The following MINDY2 variants were observed in gnomAD, a reference collection of about 807,000 sequenced individuals.
MINDY2 encodes ubiquitin carboxyl-terminal hydrolase MINDY-2.
MINDY2 carries 52 observed loss-of-function variants against 68.2 expected under a neutral mutation model. The ratio of observed to expected loss-of-function variants is 0.76; its 90% CI spans 0.61 to 0.96. The LOEUF (loss-of-function observed/expected upper bound fraction) is 0.96, where lower values mean the gene tolerates loss of function less well. Ranked by LOEUF, MINDY2 falls within the 40% of genes least tolerant of loss-of-function variation. MINDY2 has a pLI of 0.00. For synonymous variants in MINDY2, 372 were observed against 303.0 expected, an observed-to-expected ratio of 1.23 and a Z score of -2.36; for missense variants, 881 against 773.4, an observed-to-expected ratio of 1.14 and a Z score of -1.65.
chr15:58,799,334 G>A (rs561105570), intron 2 of MINDY2, among the ~76,000 whole-genome samples: 218 of 152,294 alleles, frequency 1.4e-3, no homozygotes, highest in African/African-American at 4.8e-3. Flanking sequence ...TTGGGAGGCC[G>A]AGGCAGGCGG....
At chr15:58,791,215 TTATATATATATATATATA>T (rs57998049) in intron 2 of MINDY2, among the ~76,000 whole-genome samples, 27,429 of 79,616 alleles carry the variant, frequency 0.34, 5,219 homozygotes, top group East Asian at 0.56. Context: ...GAAAGCAATT[TTATATATATATATATATA>T]TATATATATA....
chr15:58,800,663 CT>C (rs576365812), intron 2 of MINDY2, among the ~76,000 whole-genome samples: 243 of 140,968 alleles, frequency 1.7e-3, no homozygotes, highest in Non-Finnish European at 2.3e-3. Context: ...TCCAGTTTAG[CT>C]TTTTTTTTTT....
chr15:58,802,378 G>T lies in MINDY2; in HGVS notation c.963+1G>T. The T allele has an allele frequency of 6.4e-7, 1 of 1,560,840 alleles. No homozygotes were observed. ...AATTCAACGTTTAAATTATGAACAG[G>T]TAATAAACAGTTTTTGTTAAAGTAT... On this transcript the variant is annotated splice_donor_variant, in intron 3 of 8. Transcript: ENST00000559228. LOFTEE classifies it high-confidence loss of function.
At chr15:58,852,931 T>G (rs867244748) in intron 8 of MINDY2, among the ~76,000 whole-genome samples, 102 of 22,746 alleles carry the variant, frequency 4.5e-3, no homozygotes, top group African/African-American at 0.013. Flanking sequence ...TGTTTTTTTT[T>G]TTTTTTTTTT....
Position 58,775,759 on chromosome 15 carries a change from T to C in MINDY2, c.840+3524T>C, listed in dbSNP as rs187336717. On this transcript the variant is annotated intron_variant, in intron 1 of 8. Transcript: ENST00000559228. ...TTAGATGGGAAAGTTGATGCCAAAG[T>C]TTGGTTGTGTTGAGTTGGAAATGTC... 9.9e-5 allele frequency among the ~76,000 whole-genome samples: 15 copies of C among 152,178 alleles called. No homozygotes were observed. The East Asian group carries it at 2.9e-3, about 29-fold the overall frequency.
rs1292634378 is a variant in MINDY2, at chr15:58,857,417, C to G, written c.*2807C>G. ...GGCATGGTGGCGGGCACCTGTCATC[C>G]CAGCTACTTGGGAGGCTGAGGCAGG... is the stretch of plus-strand genomic sequence containing the variant. On this transcript the variant is annotated 3_prime_UTR_variant, in exon 9 of 9. Transcript: ENST00000559228. The G allele has an allele frequency of 6.6e-6, 1 of 151,712 alleles. No homozygotes were observed. The highest frequency in any genetic ancestry group is 6.6e-5 in the Admixed American group (1 of 15,114). 9.4% of individuals were successfully genotyped at this position (151,712 alleles called of 1,614,324 possible). A position where few individuals can be genotyped will look rare whatever the true frequency, so the allele number is the denominator to read the frequency against.
intron 8 of MINDY2, among the ~76,000 whole-genome samples, chr15:58,853,819 T>C (rs1182213732): frequency 9.8e-6 from 1 of 102,200 alleles, no homozygotes; most frequent in Non-Finnish European, 1.9e-5. Context: ...TCCATCTCAA[T>C]AAAAAAAAAA....
At chr15:58,810,415 A>T in intron 4 of MINDY2, 27 bp downstream of exon 4, 1 of 1,523,774 alleles carries the variant, frequency 6.6e-7, no homozygotes, top group South Asian at 1.3e-5. Context: ...AAATTATGTA[A>T]ACACAAATAC....
chr15:58,771,523 T>C lies in MINDY2; in HGVS notation c.128T>C (p.Val43Ala). The C allele has an allele frequency of 5.6e-6, 9 of 1,610,304 alleles. No individual in the cohort carries two copies. Among genetic ancestry groups the C allele is most frequent in the Non-Finnish European group, 7.6e-6 (9 of 1,179,336 alleles). ...TRLAAGDGPGVWAAETSGGNG... is the reference protein window; with the variant it reads ...TRLAAGDGPGAWAAETSGGNG... ...CTCGCCGCTGGTGATGGTCCTGGGG[T>C]ATGGGCGGCGGAGACCAGCGGCGGG... Residue 43 changes from valine (V) to alanine (A), a missense_variant, in exon 1 of 9, where the codon GTA becomes GCA. Physicochemically the swap from Val to Ala is moderately conservative, Grantham distance 64. Transcript: ENST00000559228.
chr15:58,797,168 T>C (rs1187516296), intron 2 of MINDY2, among the ~76,000 whole-genome samples: 1 of 152,134 alleles, frequency 6.6e-6, no homozygotes, highest in African/African-American at 2.4e-5. Flanking sequence ...TTAAAAATAT[T>C]GATTGTTGAA....
At chr15:58,834,011 T>C (rs2031873689) in intron 6 of MINDY2, among the ~76,000 whole-genome samples, 1 of 152,122 alleles carries the variant, frequency 6.6e-6, no homozygotes, top group African/African-American at 2.4e-5. Context: ...TCCGCAGTGT[T>C]TTGTGTCTCT....
chr15:58,798,123 T>C (rs917672365), intron 2 of MINDY2, among the ~76,000 whole-genome samples: 1 of 152,116 alleles, frequency 6.6e-6, no homozygotes, highest in Admixed American at 6.6e-5. Flanking sequence ...TTTCTTTTCT[T>C]TTTTTCTTCC....
At chr15:58,783,771 C>G (rs949833838) in intron 1 of MINDY2, among the ~76,000 whole-genome samples, 2 of 151,948 alleles carry the variant, frequency 1.3e-5, no homozygotes, top group Admixed American at 6.6e-5. Flanking sequence ...TGTCAAAACC[C>G]CATCTGTACA....
chr15:58,821,329 TAA>T (rs1225952047), intron 4 of MINDY2, among the ~76,000 whole-genome samples: 2 of 141,052 alleles, frequency 1.4e-5, no homozygotes, highest in African/African-American at 2.6e-5. Flanking sequence ...GTTTTTTAGT[TAA>T]AAAAAAAAAA....
intron 1 of MINDY2, among the ~76,000 whole-genome samples, chr15:58,775,605 G>A (rs17236243): frequency 0.14 from 21,914 of 152,146 alleles, 1,945 homozygotes; most frequent in East Asian, 0.44. Context: ...GGATAATGTA[G>A]CGTTCCCAAT....
chr15:58,805,168 T>C (rs1398670623), intron 3 of MINDY2, among the ~76,000 whole-genome samples: 2 of 152,222 alleles, frequency 1.3e-5, no homozygotes, highest in African/African-American at 4.8e-5. Context: ...AGTACCCTGC[T>C]TTTAAAATAA....
Position 58,810,156 on chromosome 15 carries a change from GCTTGTA to G in MINDY2, c.964-69_964-64del, listed in dbSNP as rs1329875268. 5.4e-6 allele frequency: 7 copies of G among 1,287,864 alleles called. No individual in the cohort carries two copies. The Admixed American group carries it at 1.4e-4, about 26-fold the overall frequency. The allele number at this position is 1,287,864 out of a possible 1,614,324, so 79.8% of individuals were successfully genotyped here. A position where few individuals can be genotyped will look rare whatever the true frequency, so the allele number is the denominator to read the frequency against. ...AAAATGGAAAATTAAAAGTAAATGT[GCTTGTA>G]CTTGAATATCTTTTTTGTTCTCGTT... On this transcript the variant is annotated intron_variant, in intron 3 of 8. Transcript: ENST00000559228.
intron 1 of MINDY2, among the ~76,000 whole-genome samples, chr15:58,773,913 G>T (rs1222862062): frequency 6.6e-6 from 1 of 152,194 alleles, no homozygotes; most frequent in African/African-American, 2.4e-5. Context: ...GGTTGAAAAG[G>T]TGAACAAGAG....
chr15:58,784,180 G>C (rs185395525), intron 1 of MINDY2, among the ~76,000 whole-genome samples: 1 of 152,134 alleles, frequency 6.6e-6, no homozygotes, highest in African/African-American at 2.4e-5. Context: ...ACAAAAATTA[G>C]CCAGGTGTGG....
Sources: allele counts gnomAD v4.1 joint callset (sites outside exome capture counted in the v4.1 genomes callset), GRCh38; gene constraint gnomAD v4.1.1; transcripts MANE v1.5; gene names NCBI Gene and HGNC (gene_info 2026-07-23, HGNC 2026-07-21).